SETD5: variants seen among roughly 807,000 people sequenced by gnomAD.
SETD5 encodes the protein SET domain containing 5.
A neutral mutation model predicts 153.3 loss-of-function variants in SETD5; 44 were observed. The observed-to-expected ratio is 0.29, with a 90% confidence interval of 0.23 to 0.37. The LOEUF (loss-of-function observed/expected upper bound fraction) is 0.37. Ranked by LOEUF, SETD5 falls within the 10% of genes least tolerant of loss-of-function variation. The pLI, the probability that SETD5 is intolerant of heterozygous loss-of-function variation, is 1.00. For synonymous variants in SETD5, 716 were observed against 645.2 expected (o/e 1.11, Z -1.66); for missense variants, 1,544 against 1,768.0 (o/e 0.87, Z 2.27).
At chr3:9,411,406 A>G (rs2036552596) in intron 1 of SETD5, among the ~76,000 whole-genome samples, 1 of 152,238 alleles carries the variant, frequency 6.6e-6, no homozygotes, top group African/African-American at 2.4e-5. Context: ...TAAATGTTTT[A>G]TCCTTCCTAA....
rs773351108 is a variant in SETD5 at position 9,428,924 on chromosome 3, G to A, written c.-15G>A. The A allele has an allele frequency of 6.2e-7, 1 of 1,608,266 alleles. No individual in the cohort carries two copies. The highest frequency in any genetic ancestry group is 1.1e-5 in the South Asian group (1 of 90,402). On this transcript the variant is annotated 5_prime_UTR_variant, in exon 3 of 23. Coordinates refer to ENST00000402198, the MANE Select transcript of SETD5 (RefSeq NM_001080517.3). ...TTGGACCCCGTGATTTCCAATCTCT[G>A]CTGTGTTGGACGTCATGAGCATTGC... is the stretch of plus-strand genomic sequence containing the variant.
intron 20 of SETD5, 61 bp downstream of exon 20, chr3:9,473,598 A>G: frequency 6.7e-7 from 1 of 1,487,984 alleles, no homozygotes; most frequent in Non-Finnish European, 9.1e-7. Context: ...TATATCTAAG[A>G]TCATTCCCAG....
intron 1 of SETD5, among the ~76,000 whole-genome samples, chr3:9,408,393 T>C (rs2036059333): frequency 6.6e-6 from 1 of 152,216 alleles, no homozygotes. Flanking sequence ...AAAACTCCAA[T>C]TACTACAAAA....
At chr3:9,445,965 G>GTTTTTTTTTT (rs376821559) in intron 13 of SETD5, among the ~76,000 whole-genome samples, 8 of 86,462 alleles carry the variant, frequency 9.3e-5, no homozygotes, top group African/African-American at 3.7e-4. Context: ...TGAAGAGGTT[G>GTTTTTTTTTT]TTTTTTTTTT....
intron 20 of SETD5, 85 bp downstream of exon 20, chr3:9,473,622 C>A: frequency 7.4e-7 from 1 of 1,348,342 alleles, no homozygotes; most frequent in Non-Finnish European, 1.0e-6. Flanking sequence ...TACCTAAAAT[C>A]TATGGGAACA....
At chr3:9,467,695 C>G (rs2044774587) in intron 18 of SETD5, among the ~76,000 whole-genome samples, 1 of 152,144 alleles carries the variant, frequency 6.6e-6, no homozygotes, top group Non-Finnish European at 1.5e-5. Context: ...ACCACCTTCA[C>G]TCTCTTCACG....
chr3:9,446,389 T>C (rs903239117), intron 13 of SETD5, among the ~76,000 whole-genome samples: 1 of 152,096 alleles, frequency 6.6e-6, no homozygotes, highest in African/African-American at 2.4e-5. Context: ...TTCTAGGTTT[T>C]TGTGAGTTCT....
At chr3:9,446,493 C>CTTTTTTTTTTTTTTT (rs368167902) in intron 13 of SETD5, among the ~76,000 whole-genome samples, 1 of 144,470 alleles carries the variant, frequency 6.9e-6, no homozygotes, top group Non-Finnish European at 1.5e-5. Flanking sequence ...GATTTGATGA[C>CTTTTTTTTTTTTTTT]TTTTTTTTTT....
chr3:9,411,234 G>A (rs948264918), intron 1 of SETD5, among the ~76,000 whole-genome samples: 1 of 152,050 alleles, frequency 6.6e-6, no homozygotes, highest in African/African-American at 2.4e-5. Flanking sequence ...AGTGTAGAGA[G>A]CTCATCAGTT....
At chr3:9,466,787 G>A (rs544165099) in intron 18 of SETD5, among the ~76,000 whole-genome samples, 1 of 152,318 alleles carries the variant, frequency 6.6e-6, no homozygotes, top group African/African-American at 2.4e-5. Context: ...TGCTTTGGAA[G>A]GCTGAGGCAG....
At chr3:9,418,195 G>T (rs938321676) in intron 1 of SETD5, among the ~76,000 whole-genome samples, 1 of 138,770 alleles carries the variant, frequency 7.2e-6, no homozygotes, top group African/African-American at 3.4e-5. Context: ...TGATCCTCCC[G>T]CCTCGGCTTC....
intron 1 of SETD5, among the ~76,000 whole-genome samples, chr3:9,403,715 G>A (rs1331610660): frequency 6.6e-6 from 1 of 152,126 alleles, no homozygotes; most frequent in Non-Finnish European, 1.5e-5. Context: ...GCATACAAGT[G>A]GGATAGTTGC....
chr3:9,416,490 G>A (rs1008391535), intron 1 of SETD5, among the ~76,000 whole-genome samples: 1 of 152,022 alleles, frequency 6.6e-6, no homozygotes, highest in Non-Finnish European at 1.5e-5. Flanking sequence ...CAACAAACTC[G>A]TGTCATAAAA....
rs538733878 is a variant in SETD5, at chr3:9,410,560, G to C, written c.-177+12583G>C. 3.7e-4 allele frequency among the ~76,000 whole-genome samples: 57 copies of C among 152,296 alleles called. 2 individuals carry two copies. The South Asian group carries it at 4.1e-3, about 11-fold the overall frequency. The stretch of plus-strand genomic sequence containing the variant: ...ATGGTTAATAAGTGAAATTTACGAA[G>C]CTGGGTATAATCAGAAAAATTGAGC... On this transcript the variant is annotated intron_variant, in intron 1 of 22. Coordinates refer to ENST00000402198, the MANE Select transcript of SETD5 (RefSeq NM_001080517.3).
intron 1 of SETD5, among the ~76,000 whole-genome samples, chr3:9,409,134 A>T (rs2036168246): frequency 6.6e-6 from 1 of 152,280 alleles, no homozygotes. Flanking sequence ...TAACCCTCTG[A>T]CAGAATCTAG....
intron 17 of SETD5, among the ~76,000 whole-genome samples, chr3:9,463,376 C>G (rs1416495796): frequency 3.3e-5 from 5 of 152,130 alleles, no homozygotes; most frequent in African/African-American, 1.2e-4. Context: ...GTATGATGAC[C>G]ATTTTTCCCT....
intron 10 of SETD5, among the ~76,000 whole-genome samples, chr3:9,442,471 T>C: frequency 6.6e-6 from 1 of 152,182 alleles, no homozygotes; most frequent in South Asian, 2.1e-4. Flanking sequence ...AAGTTAGCAT[T>C]TGCTAAGGAG....
intron 7 of SETD5, among the ~76,000 whole-genome samples, chr3:9,437,595 T>G: frequency 6.6e-6 from 1 of 151,602 alleles, no homozygotes; most frequent in Non-Finnish European, 1.5e-5. Flanking sequence ...AAATTATTAC[T>G]GGGGGCTTCA....
chr3:9,475,623 C>T lies in SETD5; in HGVS notation c.3861C>T (p.His1287=), dbSNP rs568748768. The part of the protein sequence containing the change: ...TALRPGNPPS[H]GSSESSLSST... ...TGAGACCTGGAAACCCCCCCTCTCACGGTTCTTCAGAATCATCCCTCTCTT... is the reference window on the plus strand; with the variant it reads ...TGAGACCTGGAAACCCCCCCTCTCATGGTTCTTCAGAATCATCCCTCTCTT... The change falls in exon 23 of 23, where the codon CAC becomes CAT. Residue 1287 remains histidine (H), a synonymous_variant. Transcript: ENST00000402198. 10 of 1,613,978 alleles carry T rather than the reference C, an allele frequency of 6.2e-6. No homozygotes were observed. Among genetic ancestry groups the T allele is most frequent in the South Asian group, 3.3e-5 (3 of 91,076 alleles).
Sources: allele counts gnomAD v4.1 joint callset (sites outside exome capture counted in the v4.1 genomes callset), GRCh38; gene constraint gnomAD v4.1.1; transcripts MANE v1.5; gene names NCBI Gene and HGNC (gene_info 2026-07-23, HGNC 2026-07-21).